TMC1: variants seen among roughly 807,000 people sequenced by gnomAD.
TMC1 encodes the protein transmembrane channel-like protein 1.
TMC1 carries 84 observed loss-of-function variants against 105.8 expected under a neutral mutation model. The observed-to-expected ratio is 0.79, with a 90% CI of 0.67 to 0.95. TMC1 has a LOEUF of 0.95. TMC1 is among the 40% of genes least tolerant of loss of function. The pLI is 0.00. For missense variants in TMC1, 817 were observed against 914.1 expected (o/e 0.89, Z 1.37); for synonymous variants, 315 against 311.5 (o/e 1.01, Z -0.12).
intron 4 of TMC1, among the ~76,000 whole-genome samples, chr9:72,629,353 A>G (rs116402055): frequency 6.6e-6 from 1 of 152,176 alleles, no homozygotes. Flanking sequence ...TTATTATTCA[A>G]TACTGTCCAT....
chr9:72,638,929 A>C (rs1367778898), intron 4 of TMC1, among the ~76,000 whole-genome samples: 1 of 152,220 alleles, frequency 6.6e-6, no homozygotes, highest in Admixed American at 6.5e-5. Flanking sequence ...ATTTTGATTG[A>C]AAAATTAATA....
At chr9:72,818,069 T>C (rs1198337186) in intron 19 of TMC1, among the ~76,000 whole-genome samples, 1 of 151,752 alleles carries the variant, frequency 6.6e-6, no homozygotes, top group African/African-American at 2.4e-5. Context: ...TAGAGGGAGG[T>C]GTGGGGCAGG....
chr9:72,642,436 C>T (rs1043439482), intron 4 of TMC1, among the ~76,000 whole-genome samples: 26 of 152,104 alleles, frequency 1.7e-4, no homozygotes, highest in African/African-American at 6.3e-4. Flanking sequence ...AGAACTTAAA[C>T]GTAAATATCT....
At chr9:72,583,662 T>C (rs1026550531) in intron 2 of TMC1, among the ~76,000 whole-genome samples, 2 of 152,360 alleles carry the variant, frequency 1.3e-5, no homozygotes, top group South Asian at 2.1e-4. Flanking sequence ...TTAAACATAT[T>C]TTCCTTTGTG....
intron 18 of TMC1, among the ~76,000 whole-genome samples, chr9:72,807,083 G>A (rs1026752135): frequency 2.6e-5 from 4 of 152,224 alleles, no homozygotes; most frequent in African/African-American, 9.6e-5. Context: ...CCAACACAGC[G>A]AAACCCCGTC....
rs1829127173 is a variant in TMC1 at position 72,836,404 on chromosome 9, C to T, written c.*431C>T. The T allele has an allele frequency of 5.6e-6, 1 of 178,842 alleles. No homozygotes were observed. Among genetic ancestry groups the T allele is most frequent in the Non-Finnish European group, 1.2e-5 (1 of 84,054 alleles). The allele number at this position is 178,842 out of a possible 1,614,324, so 11.1% of individuals were successfully genotyped here. ...TATTTCACCCTTTTTCCTCTAAGTT[C>T]AGAAATATTTGCAAAAAGTACTCAT... is the stretch of plus-strand genomic sequence containing the variant. On this transcript the variant is annotated 3_prime_UTR_variant, in exon 24 of 24. Transcript: ENST00000297784.
At chr9:72,744,247 CTTTAA>C (rs1345069387) in intron 10 of TMC1, among the ~76,000 whole-genome samples, 1 of 152,144 alleles carries the variant, frequency 6.6e-6, no homozygotes, top group African/African-American at 2.4e-5. Context: ...AATGCTATAT[CTTTAA>C]TTTAATTTTT....
Position 72,694,697 on chromosome 9 carries a change from G to A in TMC1, c.219G>A (p.Arg73=). Residue 73 remains arginine (R), a synonymous_variant, in exon 7 of 24, where the codon AGG becomes AGA. Transcript: ENST00000297784. ...TRKAREKERR[R]RLKRGAEEEE... ...AGGCAAGAGAAAAAGAGAGGAGGAG[G>A]AGGCTAAAGAGAGGAGCGTAAGTTA... 3.1e-6 allele frequency: 5 copies of A among 1,610,194 alleles called. No homozygotes were observed. Among genetic ancestry groups the A allele is most frequent in the Non-Finnish European group, 2.5e-6 (3 of 1,177,980 alleles).
At chr9:72,648,698 T>G (rs771236821) in intron 5 of TMC1, 34 bp downstream of exon 5, 6 of 1,584,072 alleles carry the variant, frequency 3.8e-6, no homozygotes, top group Admixed American at 1.7e-5. Flanking sequence ...TGTAGGACAC[T>G]ATGTCTTTCT....
intron 1 of TMC1, among the ~76,000 whole-genome samples, chr9:72,571,598 CG>C (rs1384935386): frequency 2.0e-5 from 3 of 151,080 alleles, no homozygotes; most frequent in East Asian, 4.0e-4. Flanking sequence ...AGGCATACAC[CG>C]CCATGCCCAG....
intron 5 of TMC1, among the ~76,000 whole-genome samples, chr9:72,667,788 C>T (rs943402466): frequency 6.6e-6 from 1 of 152,232 alleles, no homozygotes; most frequent in African/African-American, 2.4e-5. Flanking sequence ...TCTATCAATT[C>T]TGTCAGCAGA....
At chr9:72,638,400 A>G (rs1825569446) in intron 4 of TMC1, among the ~76,000 whole-genome samples, 1 of 151,930 alleles carries the variant, frequency 6.6e-6, no homozygotes, top group African/African-American at 2.4e-5. Context: ...GCTGGATTTG[A>G]CTATTCTAAT....
At chr9:72,818,551 G>A (rs1263253159) in intron 19 of TMC1, 1 of 152,152 alleles carries the variant, frequency 6.6e-6, no homozygotes. Flanking sequence ...TCTCCCGCCA[G>A]GTTTATCACC....
chr9:72,628,602 A>G (rs1265835356), intron 4 of TMC1, among the ~76,000 whole-genome samples: 1 of 152,208 alleles, frequency 6.6e-6, no homozygotes, highest in Non-Finnish European at 1.5e-5. Flanking sequence ...AAGTCAATCT[A>G]TTTTTAGAAG....
chr9:72,688,249 T>C (rs1826408231), intron 5 of TMC1, among the ~76,000 whole-genome samples: 1 of 152,142 alleles, frequency 6.6e-6, no homozygotes, highest in Non-Finnish European at 1.5e-5. Flanking sequence ...TTTTTCATGC[T>C]TGGTAAAAGT....
chr9:72,565,211 A>G (rs1257555851), intron 1 of TMC1, among the ~76,000 whole-genome samples: 1 of 152,250 alleles, frequency 6.6e-6, no homozygotes, highest in Non-Finnish European at 1.5e-5. Context: ...ATATTGATGC[A>G]TTTGAAACAA....
intron 4 of TMC1, among the ~76,000 whole-genome samples, chr9:72,629,385 G>C (rs773414998): frequency 7.9e-5 from 12 of 152,074 alleles, no homozygotes; most frequent in Non-Finnish European, 1.6e-4. Flanking sequence ...CATTCATTGA[G>C]CTTCTATTTT....
intron 1 of TMC1, among the ~76,000 whole-genome samples, chr9:72,550,949 C>A (rs570265615): frequency 6.6e-6 from 1 of 152,186 alleles, no homozygotes; most frequent in Non-Finnish European, 1.5e-5. Context: ...AAGAGGGAAG[C>A]AGAAAAGCCA....
chr9:72,751,149 C>A (rs919451897), intron 10 of TMC1, among the ~76,000 whole-genome samples: 1 of 152,280 alleles, frequency 6.6e-6, no homozygotes, highest in Non-Finnish European at 1.5e-5. Flanking sequence ...ATCTCTGTAT[C>A]TTTCTATGTA....
Sources: allele counts gnomAD v4.1 joint callset (sites outside exome capture counted in the v4.1 genomes callset), GRCh38; gene constraint gnomAD v4.1.1; transcripts MANE v1.5; gene names NCBI Gene and HGNC (gene_info 2026-07-23, HGNC 2026-07-21).